Variants in PRH1 observed in about 807,000 individuals in gnomAD.
PRH1 encodes the protein salivary acidic proline-rich phosphoprotein 1/2.
PRH1 carries 7 observed loss-of-function variants against 7.9 expected under a neutral mutation model. That is an observed-to-expected ratio of 0.89 (90% CI 0.50 to 1.67). PRH1 has a LOEUF of 1.67. Among genes scored for constraint, PRH1 ranks in the 40% most tolerant of loss-of-function variants. The pLI, the probability that PRH1 is intolerant of heterozygous loss-of-function variation, is 0.00. For missense variants in PRH1, 109 were observed against 223.6 expected, an observed-to-expected ratio of 0.49 and a Z score of 3.27; for synonymous variants, 45 against 80.8, an observed-to-expected ratio of 0.56 and a Z score of 2.38.
intron 2 of PRH1, among the ~76,000 whole-genome samples, chr12:10,958,432 A>T (rs1416053627): frequency 6.6e-6 from 1 of 152,120 alleles, no homozygotes; most frequent in Non-Finnish European, 1.5e-5. Flanking sequence ...GAGTGAAGAT[A>T]AAAGAGATAC....
chr12:10,890,597 G>A (rs1324834125), intron 2 of PRH1, among the ~76,000 whole-genome samples: 7 of 152,130 alleles, frequency 4.6e-5, no homozygotes, highest in Admixed American at 2.6e-4. Flanking sequence ...AGGCCTCCCC[G>A]GTGCAGTGGC....
chr12:10,898,086 T>C (rs573695121), intron 2 of PRH1, among the ~76,000 whole-genome samples: 58 of 152,346 alleles, frequency 3.8e-4, no homozygotes, highest in Admixed American at 2.1e-3. Context: ...ATCTTTATTT[T>C]CCTCAGTGTA....
intron 2 of PRH1, among the ~76,000 whole-genome samples, chr12:10,924,937 C>G (rs2135854919): frequency 6.6e-6 from 1 of 152,120 alleles, no homozygotes; most frequent in Non-Finnish European, 1.5e-5. Flanking sequence ...TTTTGTTGAT[C>G]TTTTCAAAAA....
At chr12:10,949,084 G>C (rs993842522) in intron 2 of PRH1, among the ~76,000 whole-genome samples, 2 of 152,118 alleles carry the variant, frequency 1.3e-5, no homozygotes, top group African/African-American at 4.8e-5. Flanking sequence ...TGGCATTCCT[G>C]AGCTGCCAAC....
intron 1 of PRH1, among the ~76,000 whole-genome samples, chr12:10,995,124 T>G (rs1341520722): frequency 6.6e-6 from 1 of 152,218 alleles, no homozygotes; most frequent in Non-Finnish European, 1.5e-5. Context: ...TGCACCCAAC[T>G]GTAGATTTTG....
intron 1 of PRH1, among the ~76,000 whole-genome samples, chr12:11,158,621 G>A (rs1196167499): frequency 6.6e-6 from 1 of 152,104 alleles, no homozygotes; most frequent in Non-Finnish European, 1.5e-5. Flanking sequence ...CGGCAACTTT[G>A]AGAAAATATG....
At chr12:11,094,661 T>C (rs1409481019) in intron 1 of PRH1, among the ~76,000 whole-genome samples, 1 of 116,172 alleles carries the variant, frequency 8.6e-6, no homozygotes, top group African/African-American at 2.9e-5. Flanking sequence ...TATACAAATA[T>C]TTGATATTTC....
At chr12:11,073,662 G>C (rs1327992783) in intron 1 of PRH1, among the ~76,000 whole-genome samples, 2 of 151,932 alleles carry the variant, frequency 1.3e-5, no homozygotes, top group African/African-American at 4.8e-5. Context: ...AAGACTAGTG[G>C]TTTCAAGTGG....
At chr12:11,041,288 C>CAA (rs67144212) in intron 1 of PRH1, among the ~76,000 whole-genome samples, 110 of 81,270 alleles carry the variant, frequency 1.4e-3, no homozygotes, top group East Asian at 4.2e-3. Context: ...CAATGCAAAC[C>CAA]AAAAAAAAAA....
chr12:11,076,781 TA>T lies in PRH1; in HGVS notation n.124-29594del, dbSNP rs1944308810. The stretch of plus-strand genomic sequence containing the variant: ...AACTTACTCTACATATCTTTGTCAC[TA>T]AAATTTTATTGTGTGCATCATTAGC... On this transcript the variant is annotated intron_variant and non_coding_transcript_variant, in intron 1 of 4. Transcript: ENST00000541977. 1.7e-5 allele frequency: 2 copies of T among 115,394 alleles called. 1 individual carries two copies. The highest frequency in any genetic ancestry group is 5.8e-5 in the African/African-American group (2 of 34,656). 7.1% of individuals were successfully genotyped at this position (115,394 alleles called of 1,614,324 possible).
intron 2 of PRH1, among the ~76,000 whole-genome samples, chr12:10,959,301 G>A (rs765210702): frequency 6.6e-6 from 1 of 150,386 alleles, no homozygotes; most frequent in Admixed American, 6.7e-5. Flanking sequence ...GTTCCTGTTA[G>A]GCATCCAAAT....
chr12:11,003,398 C>A (rs1355068947), intron 1 of PRH1, among the ~76,000 whole-genome samples: 1 of 151,666 alleles, frequency 6.6e-6, no homozygotes, highest in African/African-American at 2.4e-5. Context: ...ATATTCCACA[C>A]TTTCGTCAAA....
intron 2 of PRH1, among the ~76,000 whole-genome samples, chr12:10,912,579 A>G (rs113174412): frequency 9.9e-5 from 15 of 151,922 alleles, no homozygotes; most frequent in Middle Eastern, 3.4e-3. Context: ...CATCTCTTAT[A>G]TTGTTATTTA....
At chr12:11,112,931 T>C (rs753473856) in intron 1 of PRH1, among the ~76,000 whole-genome samples, 4 of 152,190 alleles carry the variant, frequency 2.6e-5, no homozygotes, top group Non-Finnish European at 5.9e-5. Context: ...CTCCTTAAGC[T>C]GATAAGCAAT....
chr12:11,042,486 T>C (rs1156561911), intron 1 of PRH1, among the ~76,000 whole-genome samples: 1 of 95,016 alleles, frequency 1.1e-5, no homozygotes, highest in Admixed American at 1.2e-4. Context: ...TCTCCCAGTT[T>C]AAAAAAAAAA....
intron 1 of PRH1, among the ~76,000 whole-genome samples, chr12:11,005,700 C>T (rs10845284): frequency 0.3 from 46,324 of 151,968 alleles, 8,925 homozygotes; most frequent in East Asian, 0.74. Context: ...AAATGGAAAA[C>T]CAATTTCAGG....
intron 2 of PRH1, among the ~76,000 whole-genome samples, chr12:10,897,253 C>T (rs1949660803): frequency 6.6e-6 from 1 of 152,114 alleles, no homozygotes; most frequent in South Asian, 2.1e-4. Context: ...TATTACTAAC[C>T]ATATTTCAAA....
intron 2 of PRH1, among the ~76,000 whole-genome samples, chr12:10,969,703 G>A (rs11054105): frequency 0.24 from 36,998 of 151,870 alleles, 4,557 homozygotes; most frequent in Non-Finnish European, 0.25. Flanking sequence ...TATACAGTAC[G>A]TAAAATTTAT....
At chr12:10,973,607 T>C (rs533628099) in intron 2 of PRH1, 3 of 762,544 alleles carry the variant, frequency 3.9e-6, no homozygotes, top group African/African-American at 3.4e-5. Flanking sequence ...AAACCAAGTG[T>C]TGCTAGGTTT....
Sources: allele counts gnomAD v4.1 joint callset (sites outside exome capture counted in the v4.1 genomes callset), GRCh38; gene constraint gnomAD v4.1.1; transcripts MANE v1.5; gene names NCBI Gene and HGNC (gene_info 2026-07-23, HGNC 2026-07-21).